The following ARL15 variants were observed in gnomAD, a reference collection of about 807,000 sequenced individuals.
ARL15 encodes ARF like GTPase 15.
ARL15 carries 19 observed loss-of-function variants against 25.2 expected under a neutral mutation model. The ratio of observed to expected loss-of-function variants is 0.75; its 90% CI spans 0.53 to 1.10. ARL15 has a LOEUF of 1.10. Among genes scored for constraint, ARL15 ranks in the 50% least tolerant of loss-of-function variants. ARL15 has a pLI of 0.00. For missense variants in ARL15, 220 were observed against 246.0 expected, an observed-to-expected ratio of 0.89 and a Z score of 0.71; for synonymous variants, 94 against 86.8, an observed-to-expected ratio of 1.08 and a Z score of -0.46.
intron 4 of ARL15, among the ~76,000 whole-genome samples, chr5:54,004,102 CT>C (rs1250749520): frequency 1.3e-5 from 2 of 152,164 alleles, no homozygotes; most frequent in African/African-American, 4.8e-5. Flanking sequence ...CGCTTTGCCA[CT>C]TAGGTGACAG....
At chr5:54,058,030 A>T (rs575965937) in intron 4 of ARL15, among the ~76,000 whole-genome samples, 72 of 147,564 alleles carry the variant, frequency 4.9e-4, no homozygotes, top group Non-Finnish European at 4.5e-5. Flanking sequence ...TTTTTGACAA[A>T]GTCTCGCTCT....
intron 4 of ARL15, among the ~76,000 whole-genome samples, chr5:54,046,684 C>A (rs1750527093): frequency 6.6e-6 from 1 of 152,198 alleles, no homozygotes. Context: ...ATGTTAGAAT[C>A]ATGGGTCAAC....
chr5:54,130,840 T>C (rs1385758144), intron 3 of ARL15, among the ~76,000 whole-genome samples: 1 of 152,206 alleles, frequency 6.6e-6, no homozygotes, highest in African/African-American at 2.4e-5. Context: ...CTTAAATGAA[T>C]GGCACTCTAG....
chr5:53,897,023 T>C (rs1316640582), intron 4 of ARL15, among the ~76,000 whole-genome samples: 2 of 152,232 alleles, frequency 1.3e-5, no homozygotes, highest in African/African-American at 4.8e-5. Flanking sequence ...GGTTGGACTT[T>C]ATGTTTCTTT....
intron 4 of ARL15, among the ~76,000 whole-genome samples, chr5:53,962,504 T>A (rs564372837): frequency 2.6e-5 from 4 of 152,080 alleles, no homozygotes; most frequent in African/African-American, 9.7e-5. Context: ...AAGAGTGTGT[T>A]GTGTGTGTCA....
chr5:54,239,696 T>C (rs1393390818), intron 1 of ARL15, among the ~76,000 whole-genome samples: 5 of 152,186 alleles, frequency 3.3e-5, no homozygotes, highest in Non-Finnish European at 5.9e-5. Context: ...TTTGCTCTTC[T>C]TCCTTTCTAC....
intron 4 of ARL15, among the ~76,000 whole-genome samples, chr5:54,004,181 C>G (rs554277182): frequency 3.5e-4 from 53 of 152,292 alleles, no homozygotes; most frequent in African/African-American, 1.3e-3. Flanking sequence ...AATTCACACA[C>G]ACACAAACCA....
chr5:53,970,576 T>A (rs1747712082), intron 4 of ARL15, among the ~76,000 whole-genome samples: 1 of 152,214 alleles, frequency 6.6e-6, no homozygotes, highest in Non-Finnish European at 1.5e-5. Flanking sequence ...AATCCATTCT[T>A]AATGACACAG....
chr5:54,010,906 C>A (rs979379298), intron 4 of ARL15, among the ~76,000 whole-genome samples: 1 of 150,556 alleles, frequency 6.6e-6, no homozygotes, highest in Non-Finnish European at 1.5e-5. Flanking sequence ...AGGATGAGGC[C>A]GGAGAATGGC....
intron 4 of ARL15, among the ~76,000 whole-genome samples, chr5:53,946,122 T>C (rs4865795): frequency 0.87 from 132,783 of 152,244 alleles, 58,307 homozygotes; most frequent in African/African-American, 0.97. Flanking sequence ...ATTAAAAGTC[T>C]TAAACCTGAA....
At position 54,277,613 on chromosome 5, in the gene ARL15, G is replaced by T. The variant is rs13360884; in HGVS notation, c.48+32819C>A. On this transcript the variant is annotated intron_variant, in intron 1 of 4. Coordinates refer to ENST00000504924, the MANE Select transcript of ARL15 (RefSeq NM_019087.3). ...AAAAATACAAAAAAATTAGCCGGGC[G>T]TGGTGGCGGGCGCCTGTAGTCCCAG... 4.5e-3 allele frequency among the ~76,000 whole-genome samples: 691 copies of T among 152,210 alleles called. 6 individuals are homozygous for T. Among genetic ancestry groups the T allele is most frequent in the African/African-American group, 0.016 (651 of 41,546 alleles).
intron 4 of ARL15, among the ~76,000 whole-genome samples, chr5:53,959,674 A>G (rs757676016): frequency 1.3e-5 from 2 of 151,808 alleles, no homozygotes; most frequent in East Asian, 1.9e-4. Flanking sequence ...TATTCCTACT[A>G]CTTTCTGCAC....
chr5:54,118,225 A>G (rs1047229856), intron 3 of ARL15, among the ~76,000 whole-genome samples: 1 of 152,190 alleles, frequency 6.6e-6, no homozygotes, highest in African/African-American at 2.4e-5. Flanking sequence ...ACAGTTACTT[A>G]AAAAGGTTAT....
At chr5:54,246,831 CACACACACACACACAG>C (rs1329660719) in intron 1 of ARL15, among the ~76,000 whole-genome samples, 8 of 138,868 alleles carry the variant, frequency 5.8e-5, no homozygotes, top group African/African-American at 2.2e-4. Flanking sequence ...CACACACACA[CACACACACACACACAG>C]AGTACATAAA....
chr5:54,200,463 A>G (rs1755690262), intron 1 of ARL15, among the ~76,000 whole-genome samples: 1 of 152,134 alleles, frequency 6.6e-6, no homozygotes, highest in African/African-American at 2.4e-5. Flanking sequence ...CAGCCAAGAT[A>G]TGAAAACTCT....
At chr5:53,963,941 C>T (rs1200306407) in intron 4 of ARL15, among the ~76,000 whole-genome samples, 1 of 151,962 alleles carries the variant, frequency 6.6e-6, no homozygotes, top group Non-Finnish European at 1.5e-5. Context: ...AATAAATTTG[C>T]CTTATTTTTA....
chr5:54,237,469 T>G (rs1273975243), intron 1 of ARL15, among the ~76,000 whole-genome samples: 1 of 152,212 alleles, frequency 6.6e-6, no homozygotes, highest in Non-Finnish European at 1.5e-5. Context: ...AGAAACAGCA[T>G]GCTGACAATG....
chr5:54,193,607 T>C (rs1476815800), intron 1 of ARL15, among the ~76,000 whole-genome samples: 1 of 152,082 alleles, frequency 6.6e-6, no homozygotes, highest in East Asian at 1.9e-4. Flanking sequence ...TCACCCTGAA[T>C]CCATCCCCTC....
rs545426574 is a variant in ARL15, at chr5:53,886,261, G to A, written c.*300C>T. 1.2e-4 allele frequency: 24 copies of A among 203,954 alleles called. No homozygotes were observed. Among genetic ancestry groups the A allele is most frequent in the Non-Finnish European group, 2.0e-4 (20 of 102,434 alleles). The allele number at this position is 203,954 out of a possible 1,614,324, so 12.6% of individuals were successfully genotyped here. ...TTTCCATAAGCCATGAATTCCATCC[G>A]TTTCAGCACAGAGTATAGAAGAGAT... On this transcript the variant is annotated 3_prime_UTR_variant, in exon 5 of 5. Transcript: ENST00000504924.
Sources: gnomAD v4.1 joint callset for allele counts (sites outside exome capture counted in the v4.1 genomes callset) on GRCh38, gnomAD v4.1.1 for gene constraint, MANE v1.5 for transcripts, NCBI Gene and HGNC (gene_info 2026-07-23, HGNC 2026-07-21) for gene names.